The following EFHC2 variants were observed in gnomAD, a reference collection of about 807,000 sequenced individuals.
EFHC2 encodes the protein EF-hand domain-containing family member C2.
EFHC2 carries 18 observed loss-of-function variants against 52.7 expected under a neutral mutation model. The ratio of observed to expected loss-of-function variants is 0.34; its 90% CI spans 0.24 to 0.51. EFHC2 has a LOEUF of 0.51. Ranked by LOEUF, EFHC2 falls within the 20% of genes least tolerant of loss-of-function variation. EFHC2 has a pLI of 0.97. For synonymous variants in EFHC2, 203 were observed against 204.1 expected, an observed-to-expected ratio of 0.99 and a Z score of 0.04; for missense variants, 513 against 562.5, an observed-to-expected ratio of 0.91 and a Z score of 0.89.
chrX:44,173,747 G>A (rs1298144705), intron 13 of EFHC2, among the ~76,000 whole-genome samples: 5 of 111,911 alleles, frequency 4.5e-5, no homozygotes, highest in South Asian at 3.7e-4. Context: ...AGATGACTTC[G>A]AAGCAAGTTC....
At position 44,148,795 on chromosome X, in the gene EFHC2, T is replaced by C. The variant is rs1189729661; in HGVS notation, c.2250A>G (p.Ter750=). Residue 750 remains the stop codon, a stop_retained_variant, in exon 15 of 15, where the codon TAA becomes TAG. Transcript: ENST00000420999. ...LKDAFGLEEE[*] ...AGAGAATTGACCAAAACTGGCATGG[T>C]TATTCCTCCTCTAAGCCAAACGCGT... 8.5e-7 allele frequency: 1 copy of C among 1,175,629 alleles called. No homozygotes were observed. Among genetic ancestry groups the C allele is most frequent in the East Asian group, 3.1e-5 (1 of 32,114 alleles).
chrX:44,239,272 G>A (rs927330738), intron 8 of EFHC2, among the ~76,000 whole-genome samples: 7 of 111,967 alleles, frequency 6.3e-5, no homozygotes, highest in Non-Finnish European at 1.1e-4. Context: ...AACCCTCCTG[G>A]TGAGAAGTCA....
chrX:44,309,727 G>A (rs2037932009), intron 2 of EFHC2: 10 of 975,286 alleles, frequency 1.0e-5, no homozygotes, highest in Non-Finnish European at 1.3e-5. Flanking sequence ...GCCAGGCATC[G>A]GTCCTCGTTT....
chrX:44,277,841 TA>T (rs2037671762), intron 2 of EFHC2, among the ~76,000 whole-genome samples: 1 of 110,051 alleles, frequency 9.1e-6, no homozygotes, highest in African/African-American at 3.3e-5. Context: ...AAAATAAATC[TA>T]AAAATATAAA....
rs1221022230 is a variant in EFHC2 at position 44,261,279 on chromosome X, A to G, written c.402T>C (p.His134=). ...CATCAGGAGGCGGAAGAGTAATCCGATGACGCCGGATAGAAGTCCCTATGG... is the reference window on the plus strand; with the variant it reads ...CATCAGGAGGCGGAAGAGTAATCCGGTGACGCCGGATAGAAGTCCCTATGG... ...GLLQGTSIRR[H]RITLPPPDED... is the part of the protein sequence containing the mutation. The change falls in exon 4 of 15, where the codon CAT becomes CAC. Residue 134 remains histidine, a synonymous_variant. Coordinates refer to ENST00000420999, the MANE Select transcript of EFHC2 (RefSeq NM_025184.4). The G allele has an allele frequency of 1.7e-6, 2 of 1,188,262 alleles. No homozygotes were observed. Among genetic ancestry groups the G allele is most frequent in the East Asian group, 3.0e-5 (1 of 33,409 alleles).
intron 1 of EFHC2, among the ~76,000 whole-genome samples, chrX:44,322,864 T>C (rs540403396): frequency 1.5e-3 from 162 of 110,750 alleles, no homozygotes; most frequent in African/African-American, 5.1e-3. Flanking sequence ...AATACAAAAA[T>C]TAGCCAGGTG....
At chrX:44,319,287 G>T (rs908956746) in intron 1 of EFHC2, among the ~76,000 whole-genome samples, 15 of 111,181 alleles carry the variant, frequency 1.3e-4, no homozygotes, top group African/African-American at 4.9e-4. Context: ...ATAGGTATAA[G>T]CCACTGCGCC....
chrX:44,213,247 T>C (rs778743620), intron 11 of EFHC2, among the ~76,000 whole-genome samples: 2 of 111,472 alleles, frequency 1.8e-5, no homozygotes, highest in Non-Finnish European at 3.8e-5. Context: ...AGATGAATAA[T>C]GTAAGCAGAG....
At chrX:44,282,441 T>TAA (rs765313542) in intron 2 of EFHC2, among the ~76,000 whole-genome samples, 2 of 65,365 alleles carry the variant, frequency 3.1e-5, no homozygotes, top group Admixed American at 1.7e-4. Flanking sequence ...CCGTCTCTAC[T>TAA]AAAAAAAAAA....
intron 11 of EFHC2, among the ~76,000 whole-genome samples, chrX:44,221,798 T>C (rs1439247296): frequency 2.7e-5 from 3 of 112,200 alleles, no homozygotes; most frequent in Non-Finnish European, 5.6e-5. Flanking sequence ...AAAAATTGCA[T>C]TCATTTTAGT....
intron 1 of EFHC2, among the ~76,000 whole-genome samples, chrX:44,322,356 C>T (rs961059176): frequency 8.9e-6 from 1 of 112,401 alleles, no homozygotes; most frequent in African/African-American, 3.2e-5. Flanking sequence ...CAATGAGCAT[C>T]TATCGAATGA....
chrX:44,327,817 C>T (rs1484912001), intron 1 of EFHC2, among the ~76,000 whole-genome samples: 1 of 111,872 alleles, frequency 8.9e-6, no homozygotes, highest in African/African-American at 3.2e-5. Context: ...CAAAGAAAAT[C>T]TCAAACATTT....
At chrX:44,251,840 C>T (rs912298732) in intron 4 of EFHC2, among the ~76,000 whole-genome samples, 1 of 108,593 alleles carries the variant, frequency 9.2e-6, no homozygotes, top group African/African-American at 3.3e-5. Context: ...AAATATTCTA[C>T]ATCTCGATTT....
At chrX:44,328,540 A>T (rs2038066048) in intron 1 of EFHC2, among the ~76,000 whole-genome samples, 1 of 111,444 alleles carries the variant, frequency 9.0e-6, no homozygotes, top group Non-Finnish European at 1.9e-5. Flanking sequence ...CTAAGTAACA[A>T]AAAGACCCAA....
chrX:44,273,399 T>C (rs1489152887), intron 2 of EFHC2, among the ~76,000 whole-genome samples: 1 of 112,017 alleles, frequency 8.9e-6, no homozygotes, highest in Non-Finnish European at 1.9e-5. Context: ...AGACTCATCT[T>C]GTATGGGGGC....
chrX:44,178,615 AT>A, intron 11 of EFHC2, 51 bp from the exon 12 acceptor site: 1 of 948,449 alleles, frequency 1.1e-6, no homozygotes, highest in Non-Finnish European at 1.4e-6. Flanking sequence ...AGAATACAGT[AT>A]TTTACATCTC....
intron 4 of EFHC2, among the ~76,000 whole-genome samples, chrX:44,251,664 A>AAAAAAAAAAAT (rs2037451771): frequency 1.0e-5 from 1 of 99,714 alleles, no homozygotes; most frequent in African/African-American, 3.6e-5. Flanking sequence ...AAAAGAAAAA[A>AAAAAAAAAAAT]CTATACTTCT....
chrX:44,225,117 C>T (rs991253991), intron 11 of EFHC2, among the ~76,000 whole-genome samples: 11 of 110,827 alleles, frequency 9.9e-5, no homozygotes, highest in African/African-American at 2.6e-4. Flanking sequence ...TCTTGGATAA[C>T]GATCAGCAGC....
chrX:44,313,422 G>C (rs747210989), intron 1 of EFHC2, among the ~76,000 whole-genome samples: 2 of 111,624 alleles, frequency 1.8e-5, no homozygotes, highest in Non-Finnish European at 3.8e-5. Context: ...TCACTCTGAG[G>C]AGCGATGTGG....
Sources: gnomAD v4.1 joint callset for allele counts (sites outside exome capture counted in the v4.1 genomes callset) on GRCh38, gnomAD v4.1.1 for gene constraint, MANE v1.5 for transcripts, NCBI Gene and HGNC (gene_info 2026-07-23, HGNC 2026-07-21) for gene names.